Variants in FAM200B observed in about 807,000 individuals in gnomAD.
FAM200B encodes zinc finger BED-type containing 11.
A neutral mutation model predicts 33.1 loss-of-function variants in FAM200B; 32 were observed. The observed-to-expected ratio is 0.97, with a 90% CI of 0.73 to 1.30. FAM200B has a LOEUF of 1.30. Among genes scored for constraint, FAM200B ranks in the 50% most tolerant of loss-of-function variants. The probability of loss-of-function intolerance (pLI) is 0.00; values close to 1 mark genes in which losing one functional copy is unlikely to be tolerated. For synonymous variants in FAM200B, 240 were observed against 264.8 expected (o/e 0.91, Z 0.91); for missense variants, 741 against 754.0 (o/e 0.98, Z 0.20).
the FAM200B span, among the ~76,000 whole-genome samples, chr4:15,664,015 T>G: frequency 6.6e-6 from 1 of 152,132 alleles, no homozygotes; most frequent in African/African-American, 2.4e-5. Context: ...GATGAAAAAC[T>G]TAAAGAAGCT....
chr4:15,660,821 G>A, the FAM200B span, among the ~76,000 whole-genome samples: 1 of 152,314 alleles, frequency 6.6e-6, no homozygotes, highest in South Asian at 2.1e-4. Context: ...GCTCACGCCT[G>A]TAATCCCAAC....
In FAM200B at chr4:15,688,977, G is replaced by C. The variant is rs1439850550; in HGVS notation, c.*26G>C. On this transcript the variant is annotated 3_prime_UTR_variant, in exon 2 of 2. Transcript: ENST00000422728. ...TAAATAAAAATCTTACCTAGCTTTT[G>C]TCTTTGTATTTCTTATTTTGTAGTA... 1 of 1,375,286 alleles carries C rather than the reference G, an allele frequency of 7.3e-7. No individual in the cohort carries two copies. Among genetic ancestry groups the C allele is most frequent in the Non-Finnish European group, 9.5e-7 (1 of 1,054,726 alleles). The allele number at this position is 1,375,286 out of a possible 1,614,324, so 85.2% of individuals were successfully genotyped here.
At chr4:15,650,866 C>T in the FAM200B span, among the ~76,000 whole-genome samples, 2 of 151,866 alleles carry the variant, frequency 1.3e-5, no homozygotes, top group Non-Finnish European at 2.9e-5. Flanking sequence ...CTCCTGACCT[C>T]ATGATCCACC....
At chr4:15,683,679 C>T (rs1464796966) in intron 1 of FAM200B, among the ~76,000 whole-genome samples, 2 of 151,934 alleles carry the variant, frequency 1.3e-5, no homozygotes, top group African/African-American at 2.4e-5. Context: ...ATCATTGTTT[C>T]TACTATTTCT....
At chr4:15,657,059 G>A in the FAM200B span, among the ~76,000 whole-genome samples, 1 of 152,172 alleles carries the variant, frequency 6.6e-6, no homozygotes, top group African/African-American at 2.4e-5. Context: ...ATTTGATAAA[G>A]ATTAATTTCT....
intron 1 of FAM200B, among the ~76,000 whole-genome samples, chr4:15,684,116 G>A (rs73224650): frequency 1.3e-5 from 2 of 152,112 alleles, no homozygotes; most frequent in Non-Finnish European, 2.9e-5. Context: ...CCATGTAGCC[G>A]CAGGAGCCAA....
chr4:15,649,207 A>C, the FAM200B span, among the ~76,000 whole-genome samples: 1 of 152,148 alleles, frequency 6.6e-6, no homozygotes, highest in Admixed American at 6.5e-5. Flanking sequence ...TAAAGATACT[A>C]CCCAACTCAG....
Position 15,687,020 on chromosome 4 carries a change from A to C in FAM200B, c.43A>C (p.Lys15Gln), listed in dbSNP as rs1718915331. Reference protein sequence around the residue: ...FIKRKRNSEVKYTEACSSSSV... With the variant: ...FIKRKRNSEVQYTEACSSSSV... ...TAAAAGAAAGAGGAATAGTGAAGTG[A>C]AATATACAGAAGCATGTTCAAGTTC... Residue 15 changes from lysine (K) to glutamine (Q), a missense_variant, in exon 2 of 2, where the codon AAA (lysine) becomes CAA (glutamine). By Grantham distance (53) the Lys-to-Gln change is moderately conservative. Coordinates refer to ENST00000422728, the MANE Select transcript of FAM200B (RefSeq NM_001145191.2). 6.7e-7 allele frequency: 1 copy of C among 1,484,212 alleles called. No homozygotes were observed. Among genetic ancestry groups the C allele is most frequent in the South Asian group, 1.3e-5 (1 of 75,416 alleles). The allele number at this position is 1,484,212 out of a possible 1,614,324, so 91.9% of individuals were successfully genotyped here.
chr4:15,656,973 G>C, the FAM200B span, among the ~76,000 whole-genome samples: 1 of 149,930 alleles, frequency 6.7e-6, no homozygotes, highest in South Asian at 2.1e-4. Context: ...GCATTAGTTG[G>C]GATACAGAGA....
the FAM200B span, among the ~76,000 whole-genome samples, chr4:15,670,495 C>G: frequency 1.3e-5 from 2 of 152,096 alleles, no homozygotes; most frequent in Non-Finnish European, 2.9e-5. Flanking sequence ...GGGTTTTTTA[C>G]ATTTAAAGTG....
chr4:15,689,289 A>G lies in FAM200B; in HGVS notation c.*338A>G, dbSNP rs1477722684. The stretch of plus-strand genomic sequence containing the variant: ...AAGTGCTATGGAAAGAGTAGTAAGA[A>G]GGAAGGTCAGGGAAGTACTGGGGAA... On this transcript the variant is annotated 3_prime_UTR_variant, in exon 2 of 2. Coordinates refer to ENST00000422728, the MANE Select transcript of FAM200B (RefSeq NM_001145191.2). The G allele has an allele frequency of 5.6e-6, 1 of 179,862 alleles. No homozygotes were observed. The highest frequency in any genetic ancestry group is 1.3e-5 in the Non-Finnish European group (1 of 77,006). The allele number at this position is 179,862 out of a possible 1,614,324, so 11.1% of individuals were successfully genotyped here.
chr4:15,652,395 C>G, the FAM200B span, among the ~76,000 whole-genome samples: 1 of 152,172 alleles, frequency 6.6e-6, no homozygotes, highest in South Asian at 2.1e-4. Context: ...ATCTAGGCCT[C>G]TAAGTCCCCA....
the FAM200B span, chr4:15,641,606 G>A: frequency 2.2e-6 from 1 of 458,178 alleles, no homozygotes; most frequent in Non-Finnish European, 4.4e-6. Context: ...TATTGGTAAG[G>A]CTTCCAGTCA....
rs1719121968 is a variant in FAM200B, at chr4:15,688,695, A to G, written c.1718A>G (p.Asn573Ser). The G allele has an allele frequency of 6.4e-7, 1 of 1,551,176 alleles. No homozygotes were observed. Reference sequence around the variant, plus strand: ...CTTAGTTCTTCATATACATTGAAGAATGATTATGAAACCTTAAGTTTATCA... The same window carrying G: ...CTTAGTTCTTCATATACATTGAAGAGTGATTATGAAACCTTAAGTTTATCA... ...LQLSSSYTLK[N>S]DYETLSLSAF... The change falls in exon 2 of 2, where the codon AAT (asparagine) becomes AGT (serine). Residue 573 changes from asparagine to serine, a missense_variant. By Grantham distance (46) the Asn-to-Ser change is conservative. Coordinates refer to ENST00000422728, the MANE Select transcript of FAM200B (RefSeq NM_001145191.2).
the FAM200B span, among the ~76,000 whole-genome samples, chr4:15,675,303 C>T: frequency 1.3e-5 from 2 of 151,978 alleles, no homozygotes; most frequent in Non-Finnish European, 2.9e-5. Flanking sequence ...ATATGGGAAG[C>T]AAAATACTAG....
rs189034141 is a variant in FAM200B, at chr4:15,682,919, G to C, written c.-743+1018G>C. ...TGTATGGAGATCATGTGATGAAGGA[G>C]AAACCTGGAAAGATGAGGCTTAAGC... On this transcript the variant is annotated intron_variant, in intron 1 of 1. Coordinates refer to ENST00000422728, the MANE Select transcript of FAM200B (RefSeq NM_001145191.2). Among the ~76,000 whole-genome samples the C allele has an allele frequency of 1.5e-3, 231 of 152,300 alleles. 2 individuals carry two copies. The highest frequency in any genetic ancestry group is 1.8e-3 in the Non-Finnish European group (125 of 68,026).
At chr4:15,673,440 C>A in the FAM200B span, among the ~76,000 whole-genome samples, 1 of 151,112 alleles carries the variant, frequency 6.6e-6, no homozygotes, top group Non-Finnish European at 1.5e-5. Flanking sequence ...GACCTCATCT[C>A]AAAAAAAATA....
chr4:15,685,358 T>G (rs541968370), intron 1 of FAM200B, among the ~76,000 whole-genome samples: 97 of 152,216 alleles, frequency 6.4e-4, no homozygotes, highest in Non-Finnish European at 1.3e-3. Flanking sequence ...AAGCCTTTAT[T>G]TGGTTTTCTG....
At chr4:15,673,060 C>T in the FAM200B span, among the ~76,000 whole-genome samples, 64 of 152,232 alleles carry the variant, frequency 4.2e-4, no homozygotes, top group Admixed American at 1.1e-3. Flanking sequence ...GATAACAATG[C>T]CTTCGTCTGT....
Sources: gnomAD v4.1 joint callset for allele counts (sites outside exome capture counted in the v4.1 genomes callset) on GRCh38, gnomAD v4.1.1 for gene constraint, MANE v1.5 for transcripts, NCBI Gene and HGNC (gene_info 2026-07-23, HGNC 2026-07-21) for gene names.